The following RGS3 variants were observed in gnomAD, a reference collection of about 807,000 sequenced individuals.
RGS3 encodes the protein regulator of G protein signaling 3, also known as regulator of G-protein signalling 3.
Under a neutral mutation model 132.6 loss-of-function variants are expected in RGS3, and 80 were observed. The observed-to-expected ratio is 0.60, with a 90% CI of 0.50 to 0.73. The LOEUF is 0.73. Ranked by LOEUF, RGS3 falls within the 30% of genes least tolerant of loss-of-function variation. RGS3 has a pLI of 0.00. For missense variants in RGS3, 1,382 were observed against 1,530.8 expected (o/e 0.90, Z 1.62); for synonymous variants, 598 against 620.6 (o/e 0.96, Z 0.54).
At chr9:113,556,271 C>T (rs1833563413) in intron 19 of RGS3, among the ~76,000 whole-genome samples, 1 of 152,074 alleles carries the variant, frequency 6.6e-6, no homozygotes, top group Non-Finnish European at 1.5e-5. Flanking sequence ...TTTCCTGGTC[C>T]TAACTAGGTA....
chr9:113,510,987 C>G (rs756647486), intron 14 of RGS3, among the ~76,000 whole-genome samples: 2 of 152,210 alleles, frequency 1.3e-5, no homozygotes, highest in Non-Finnish European at 2.9e-5. Flanking sequence ...AGTCCCCCTC[C>G]TCTGGCTGGG....
chr9:113,457,534 CT>C (rs1482953749), upstream of RGS3, among the ~76,000 whole-genome samples: 1 of 152,178 alleles, frequency 6.6e-6, no homozygotes, highest in African/African-American at 2.4e-5. Flanking sequence ...TTGAATTGAA[CT>C]TTAATGTGTC....
At chr9:113,457,484 G>A (rs1213735542), upstream of RGS3, among the ~76,000 whole-genome samples, 2 of 152,176 alleles carry the variant, frequency 1.3e-5, no homozygotes, top group East Asian at 1.9e-4. Context: ...CCAGTGCCCA[G>A]TTATAAGGCT....
intron 3 of RGS3, among the ~76,000 whole-genome samples, chr9:113,473,981 T>C (rs924368840): frequency 6.6e-6 from 1 of 152,182 alleles, no homozygotes; most frequent in African/African-American, 2.4e-5. Flanking sequence ...CAAGATTAGA[T>C]GCTGACTGCA....
At chr9:113,453,182 CAT>C (rs1235164874) in intron 1 of RGS3, among the ~76,000 whole-genome samples, 1 of 122,760 alleles carries the variant, frequency 8.1e-6, no homozygotes, top group African/African-American at 3.1e-5. Flanking sequence ...ATAATATACT[CAT>C]TATATGATTA....
At chr9:113,588,388 G>T (rs1425320704) in intron 20 of RGS3, among the ~76,000 whole-genome samples, 1 of 152,238 alleles carries the variant, frequency 6.6e-6, no homozygotes, top group Non-Finnish European at 1.5e-5. Context: ...GGATCGGAGA[G>T]GGCAGCCATG....
At chr9:113,560,385 C>G (rs1252149165) in intron 19 of RGS3, among the ~76,000 whole-genome samples, 2 of 151,156 alleles carry the variant, frequency 1.3e-5, no homozygotes, top group African/African-American at 4.9e-5. Context: ...AGAACAAGGC[C>G]CGTGCCACCA....
intron 19 of RGS3, among the ~76,000 whole-genome samples, chr9:113,553,259 T>C (rs935601586): frequency 2.0e-5 from 3 of 149,352 alleles, no homozygotes; most frequent in Non-Finnish European, 3.0e-5. Flanking sequence ...CTAGGCAATA[T>C]AGTGAGACCC....
intron 18 of RGS3, among the ~76,000 whole-genome samples, chr9:113,532,794 G>C (rs1023541914): frequency 3.3e-5 from 5 of 152,164 alleles, no homozygotes; most frequent in African/African-American, 4.8e-5. Flanking sequence ...TCCCAGGATG[G>C]GGGGAGCTCT....
intron 19 of RGS3, among the ~76,000 whole-genome samples, chr9:113,566,644 A>G (rs1411543552): frequency 6.6e-6 from 1 of 152,230 alleles, no homozygotes; most frequent in African/African-American, 2.4e-5. Context: ...TGAACTAAGT[A>G]TTATAATTCA....
chr9:113,485,836 C>T, intron 7 of RGS3, 143 bp downstream of exon 5: 1 of 608,234 alleles, frequency 1.6e-6, no homozygotes, highest in South Asian at 1.9e-5. Context: ...GAGGCTGCCC[C>T]TCCTTGAGTC....
In RGS3 at chr9:113,522,859, G is replaced by T. The variant is rs111411200; in HGVS notation, c.1759-71G>T. ...GGAGGCTGTGGCTCCCCACCTTCTC[G>T]GGGAGGTTGTGGCTCTCAGCCTCCA... On this transcript the variant is annotated intron_variant, in intron 16 of 24. Transcript: ENST00000350696. The T allele has an allele frequency of 4.2e-6, 4 of 958,938 alleles. No individual in the cohort carries two copies. In the African/African-American group the frequency reaches 4.8e-5, roughly 12 times the overall value. 59.4% of individuals were successfully genotyped at this position (958,938 alleles called of 1,614,324 possible). A position where few individuals can be genotyped will look rare whatever the true frequency, so the allele number is the denominator to read the frequency against.
chr9:113,571,619 A>C (rs1263632117), intron 19 of RGS3, among the ~76,000 whole-genome samples: 1 of 152,070 alleles, frequency 6.6e-6, no homozygotes, highest in African/African-American at 2.4e-5. Flanking sequence ...ATATGTGTTT[A>C]TTGTTGGATG....
At chr9:113,574,985 G>A (rs970698804) in intron 19 of RGS3, among the ~76,000 whole-genome samples, 3 of 152,196 alleles carry the variant, frequency 2.0e-5, no homozygotes, top group African/African-American at 7.2e-5. Flanking sequence ...GTTTGGGGTG[G>A]TGGGTGGGGA....
At chr9:113,583,345 C>T in intron 19 of RGS3, 105 bp from the exon 18 acceptor site, 1 of 1,473,318 alleles carries the variant, frequency 6.8e-7, no homozygotes, top group Non-Finnish European at 9.0e-7. Context: ...AGACTGGGGG[C>T]CCGGGGTTCA....
chr9:113,585,035 C>T (rs75529287), intron 20 of RGS3, among the ~76,000 whole-genome samples: 3 of 152,296 alleles, frequency 2.0e-5, no homozygotes, highest in East Asian at 3.9e-4. Context: ...CACCGTTTGC[C>T]TCTCGTGAAT....
At chr9:113,548,692 G>T (rs1833212766) in intron 19 of RGS3, among the ~76,000 whole-genome samples, 1 of 152,248 alleles carries the variant, frequency 6.6e-6, no homozygotes, top group Non-Finnish European at 1.5e-5. Context: ...TCCTCATACA[G>T]GCGAGGAGGC....
chr9:113,525,000 C>G (rs1290016727), intron 17 of RGS3, among the ~76,000 whole-genome samples: 1 of 152,156 alleles, frequency 6.6e-6, no homozygotes, highest in African/African-American at 2.4e-5. Flanking sequence ...CTTGTGTAAG[C>G]TTGGCACTGT....
At chr9:113,593,686 G>C in intron 21 of RGS3, 1 of 561,434 alleles carries the variant, frequency 1.8e-6, no homozygotes. Context: ...GGGGGTCTAG[G>C]GAAAAGAGGG....
Sources: allele counts gnomAD v4.1 joint callset (sites outside exome capture counted in the v4.1 genomes callset), GRCh38; gene constraint gnomAD v4.1.1; transcripts MANE v1.5; gene names NCBI Gene and HGNC (gene_info 2026-07-23, HGNC 2026-07-21).